CAPN7: variants seen among roughly 807,000 people sequenced by gnomAD.
CAPN7 encodes the protein calpain 7.
CAPN7 carries 72 observed loss-of-function variants against 115.2 expected under a neutral mutation model. The ratio of observed to expected loss-of-function variants is 0.63; its 90% CI spans 0.52 to 0.76. The LOEUF is 0.76. Among genes scored for constraint, CAPN7 ranks in the 30% least tolerant of loss-of-function variants. The pLI, the probability that CAPN7 is intolerant of heterozygous loss-of-function variation, is 0.00. For missense variants in CAPN7, 905 were observed against 971.5 expected (o/e 0.93, Z 0.91); for synonymous variants, 344 against 322.3 (o/e 1.07, Z -0.72).
Position 15,220,953 on chromosome 3 carries a change from T to G in CAPN7, c.610T>G (p.Tyr204Asp). ...GTCATGTGATGCACAAGGACAGAGA[T>G]ACACAGCAGAAGAAATAGAAGTACT... ...PQSCDAQGQR[Y>D]TAEEIEVLRT... The change falls in exon 5 of 21, where the codon TAC becomes GAC. Residue 204 changes from tyrosine (Y) to aspartate (D), a missense_variant. By Grantham distance (160) the Tyr-to-Asp change is radical. Coordinates refer to ENST00000253693, the MANE Select transcript of CAPN7 (RefSeq NM_014296.3). 2.5e-6 allele frequency: 4 copies of G among 1,613,970 alleles called. No individual in the cohort carries two copies. The highest frequency in any genetic ancestry group is 3.4e-6 in the Non-Finnish European group (4 of 1,179,854).
In CAPN7 at chr3:15,241,514, T is replaced by G. The variant is rs1350397456; in HGVS notation, c.1714T>G (p.Tyr572Asp). The change falls in exon 15 of 21, where the codon TAC becomes GAC. Residue 572 changes from tyrosine to aspartate, a missense_variant. This residue lies in a region of CAPN7 where 620 missense variants were observed against 703.4 expected (regional missense o/e 0.88). Coordinates refer to ENST00000253693, the MANE Select transcript of CAPN7 (RefSeq NM_014296.3). ...DAYSLANNPQ[Y>D]KLEVQCPQGG... The stretch of plus-strand genomic sequence containing the variant: ...CTATAGCCTGGCCAACAACCCCCAG[T>G]ACAAACTGGAGGTGCAGTGTCCACA... 2 of 1,614,018 alleles carry G rather than the reference T, an allele frequency of 1.2e-6. No homozygotes were observed. The highest frequency in any genetic ancestry group is 1.3e-5 in the African/African-American group (1 of 74,934).
At chr3:15,232,857 T>C (rs1428570744) in intron 10 of CAPN7, among the ~76,000 whole-genome samples, 192 bp downstream of exon 10, 2 of 152,226 alleles carry the variant, frequency 1.3e-5, no homozygotes, top group South Asian at 2.1e-4. Flanking sequence ...AAGCCTAAAC[T>C]GTGTCTGCTT....
intron 1 of CAPN7, among the ~76,000 whole-genome samples, chr3:15,208,316 G>T (rs1282912362): frequency 5.4e-5 from 8 of 148,076 alleles, no homozygotes; most frequent in African/African-American, 2.0e-4. Context: ...ACAGCGTCTT[G>T]CCCTGTCACT....
chr3:15,217,654 T>C (rs753510355), intron 3 of CAPN7, 72 bp downstream of exon 3: 2 of 1,250,422 alleles, frequency 1.6e-6, no homozygotes, highest in Non-Finnish European at 2.2e-6. Flanking sequence ...GAATTTTACA[T>C]AACACCTTGA....
At chr3:15,215,476 T>C (rs2045198064) in intron 2 of CAPN7, among the ~76,000 whole-genome samples, 1 of 152,204 alleles carries the variant, frequency 6.6e-6, no homozygotes, top group Admixed American at 6.5e-5. Flanking sequence ...GAGAAACCTC[T>C]TACCCATTAG....
chr3:15,230,052 A>C (rs1204942671), intron 8 of CAPN7, among the ~76,000 whole-genome samples: 1 of 152,202 alleles, frequency 6.6e-6, no homozygotes. Flanking sequence ...AATTTCATGC[A>C]ACTATATGTC....
rs1178169032 is a variant in CAPN7 at position 15,251,753 on chromosome 3, T to G, written c.*493T>G. 1.3e-5 allele frequency: 2 copies of G among 152,326 alleles called. No individual in the cohort carries two copies. Among genetic ancestry groups the G allele is most frequent in the African/African-American group, 4.8e-5 (2 of 41,456 alleles). 9.4% of individuals were successfully genotyped at this position (152,326 alleles called of 1,614,324 possible). A position where few individuals can be genotyped will look rare whatever the true frequency, so the allele number is the denominator to read the frequency against. On this transcript the variant is annotated 3_prime_UTR_variant, in exon 21 of 21. Coordinates refer to ENST00000253693, the MANE Select transcript of CAPN7 (RefSeq NM_014296.3). The stretch of plus-strand genomic sequence containing the variant: ...TTGGGCAACTAGTTACCAAATGAAT[T>G]GTGCCACCATAACTGATTTTAATTT...
rs534800569 is a variant in CAPN7 at position 15,248,373 on chromosome 3, A to G, written c.2204+916A>G. Among the ~76,000 whole-genome samples the G allele has an allele frequency of 2.6e-5, 4 of 152,314 alleles. No individual in the cohort carries two copies. In the East Asian group the frequency reaches 7.7e-4, roughly 29 times the overall value. On this transcript the variant is annotated intron_variant, in intron 19 of 20. Coordinates refer to ENST00000253693, the MANE Select transcript of CAPN7 (RefSeq NM_014296.3). ...ATTACAGCTACACACAACATAATGG[A>G]TAAGTCTTAAAAAGCCACATGTACA...
chr3:15,233,932 A>G lies in CAPN7; in HGVS notation c.1245A>G (p.Gln415=). The change falls in exon 11 of 21, where the codon CAA becomes CAG. Residue 415 remains glutamine (Q), a synonymous_variant. Coordinates refer to ENST00000253693, the MANE Select transcript of CAPN7 (RefSeq NM_014296.3). Reference sequence around the variant, plus strand: ...GAATTGCTATGCATTCAGATAGCCAAACTTTCAGTAAGGATAATTCTTTCA... The same window carrying G: ...GAATTGCTATGCATTCAGATAGCCAGACTTTCAGTAAGGATAATTCTTTCA... ...PERIAMHSDS[Q]TFSKDNSFRM... is the part of the protein sequence containing the mutation. 1.2e-6 allele frequency: 2 copies of G among 1,601,566 alleles called. No homozygotes were observed. The highest frequency in any genetic ancestry group is 2.2e-5 in the East Asian group (1 of 44,690).
intron 2 of CAPN7, among the ~76,000 whole-genome samples, chr3:15,212,786 A>G (rs1443740324): frequency 2.6e-5 from 4 of 152,200 alleles, no homozygotes; most frequent in Non-Finnish European, 4.4e-5. Context: ...GTTAGAGGTA[A>G]CTGATGTTGA....
intron 12 of CAPN7, 79 bp from the exon 13 acceptor site, chr3:15,240,394 T>C (rs527473046): frequency 7.9e-7 from 1 of 1,273,380 alleles, no homozygotes; most frequent in East Asian, 2.3e-5. Flanking sequence ...AAGTACTCAG[T>C]TCATCCTCTA....
intron 4 of CAPN7, among the ~76,000 whole-genome samples, chr3:15,220,402 T>C (rs1241665273): frequency 6.6e-6 from 1 of 152,226 alleles, no homozygotes; most frequent in Non-Finnish European, 1.5e-5. Flanking sequence ...GAATAACTTC[T>C]GTTGTACATT....
chr3:15,248,012 C>T (rs1443604449), intron 19 of CAPN7, among the ~76,000 whole-genome samples: 1 of 147,744 alleles, frequency 6.8e-6, no homozygotes. Context: ...ATATCACACT[C>T]TGGGGACTGT....
At chr3:15,214,275 G>A (rs2045119966) in intron 2 of CAPN7, among the ~76,000 whole-genome samples, 1 of 152,098 alleles carries the variant, frequency 6.6e-6, no homozygotes, top group African/African-American at 2.4e-5. Flanking sequence ...CAATTTAAAG[G>A]ATTTTCTTAT....
At chr3:15,246,928 A>C (rs928380939) in intron 18 of CAPN7, 134 bp downstream of exon 18, 2 of 717,416 alleles carry the variant, frequency 2.8e-6, no homozygotes, top group African/African-American at 3.7e-5. Flanking sequence ...AATGGCCTCA[A>C]TTTGGGTTGG....
intron 17 of CAPN7, chr3:15,246,527 T>C (rs1695668202): frequency 1.9e-6 from 1 of 531,688 alleles, no homozygotes; most frequent in South Asian, 2.4e-5. Context: ...TGATTTGTCC[T>C]GAGGCATACA....
intron 12 of CAPN7, 143 bp from the exon 13 acceptor site, chr3:15,240,330 G>GT: frequency 1.3e-6 from 1 of 758,648 alleles, no homozygotes; most frequent in East Asian, 2.8e-5. Flanking sequence ...GTATGACCTG[G>GT]TGAAAGTGTT....
rs757916181 is a variant in CAPN7, at chr3:15,240,592, C to T, written c.1527C>T (p.Pro509=). Residue 509 remains proline (P), a synonymous_variant, in exon 13 of 21, where the codon CCC becomes CCT. Coordinates refer to ENST00000253693, the MANE Select transcript of CAPN7 (RefSeq NM_014296.3). The part of the protein sequence containing the change: ...PELQKYLNFD[P]RTAQKIDNGI... ...TGCAAAAGTATTTAAACTTTGATCC[C>T]CGAACAGCTCAGAAAATAGACAACG... is the stretch of plus-strand genomic sequence containing the variant. 2.5e-6 allele frequency: 4 copies of T among 1,604,484 alleles called. No individual in the cohort carries two copies. The South Asian group carries it at 4.5e-5, about 18-fold the overall frequency.
intron 17 of CAPN7, 87 bp from the exon 18 acceptor site, chr3:15,246,644 AT>A: frequency 4.1e-6 from 4 of 970,170 alleles, no homozygotes; most frequent in South Asian, 1.4e-5. Flanking sequence ...ATGCCAACTG[AT>A]TTTTTTAGTC....
Sources: gnomAD v4.1 joint callset for allele counts (sites outside exome capture counted in the v4.1 genomes callset) on GRCh38, gnomAD v4.1.1 for gene constraint, gnomAD v4.1.1 regional missense constraint, MANE v1.5 for transcripts, NCBI Gene and HGNC (gene_info 2026-07-23, HGNC 2026-07-21) for gene names.